Variants in COBL observed in about 807,000 individuals in gnomAD.
COBL encodes protein cordon-bleu.
A neutral mutation model predicts 98.8 loss-of-function variants in COBL; 51 were observed. That is an observed-to-expected ratio of 0.52 (90% CI 0.41 to 0.65). COBL has a LOEUF of 0.65. Among genes scored for constraint, COBL ranks in the 30% least tolerant of loss-of-function variants. COBL has a pLI of 0.00. For missense variants in COBL, 1,617 were observed against 1,617.5 expected (o/e 1.00, Z 0.01); for synonymous variants, 634 against 651.7 (o/e 0.97, Z 0.41).
intron 7 of COBL, among the ~76,000 whole-genome samples, chr7:51,080,566 G>A (rs2128934021): frequency 6.6e-6 from 1 of 152,300 alleles, no homozygotes; most frequent in Admixed American, 6.5e-5. Flanking sequence ...CATACCCTAC[G>A]AAGCAGTGAG....
chr7:51,095,477 A>T (rs1795190599), intron 6 of COBL, among the ~76,000 whole-genome samples: 1 of 152,236 alleles, frequency 6.6e-6, no homozygotes, highest in Non-Finnish European at 1.5e-5. Context: ...CAAAACTACA[A>T]GATATACGGA....
Position 51,018,908 on chromosome 7 carries a change from ATAT to A in COBL, c.3769-1343_3769-1341del, listed in dbSNP as rs1786612220. On this transcript the variant is annotated intron_variant, in intron 12 of 12. Transcript: ENST00000265136. ...CTCCATCTCAAAAAAAAAAAAAAAT[ATAT>A]ATATATATATATATATATATATATA... Among the ~76,000 whole-genome samples, 24 of 30,248 alleles carry A rather than the reference ATAT, an allele frequency of 7.9e-4. 1 individual carries two copies. The highest frequency in any genetic ancestry group is 2.3e-3 in the South Asian group (2 of 854). 19.8% of individuals were successfully genotyped at this position (30,248 alleles called of 152,430 possible). A position where few individuals can be genotyped will look rare whatever the true frequency, so the allele number is the denominator to read the frequency against.
chr7:51,215,956 C>A (rs1423191180), intron 2 of COBL, among the ~76,000 whole-genome samples: 6 of 152,380 alleles, frequency 3.9e-5, no homozygotes, highest in South Asian at 4.1e-4. Context: ...ACTCCCTGCA[C>A]AGGTCTAAGC....
intron 6 of COBL, among the ~76,000 whole-genome samples, chr7:51,098,023 CAAAAAA>C (rs3047141): frequency 1.1e-5 from 1 of 94,364 alleles, no homozygotes; most frequent in Non-Finnish European, 2.1e-5. Context: ...GACTCCATCT[CAAAAAA>C]AAAAAAAAAA....
intron 1 of COBL, among the ~76,000 whole-genome samples, chr7:51,237,370 T>C (rs1795355230): frequency 6.6e-6 from 1 of 152,240 alleles, no homozygotes; most frequent in Non-Finnish European, 1.5e-5. Flanking sequence ...AACACTTTTG[T>C]TTCCTATGTT....
chr7:51,312,675 C>T (rs1803170766), intron 1 of COBL, among the ~76,000 whole-genome samples: 1 of 152,082 alleles, frequency 6.6e-6, no homozygotes, highest in Non-Finnish European at 1.5e-5. Context: ...AAGAAGTCCA[C>T]AGAATCCAGG....
At chr7:51,253,058 A>G (rs954323692) in intron 1 of COBL, among the ~76,000 whole-genome samples, 1 of 152,020 alleles carries the variant, frequency 6.6e-6, no homozygotes, top group Non-Finnish European at 1.5e-5. Context: ...CCCCGTCTCT[A>G]CTAAAAAATA....
intron 6 of COBL, among the ~76,000 whole-genome samples, chr7:51,086,378 AAAAAAAG>A (rs1276134362): frequency 4.6e-5 from 7 of 151,278 alleles, no homozygotes; most frequent in African/African-American, 1.7e-4. Context: ...AAAAAAAAAA[AAAAAAAG>A]AATGAACATG....
rs371105600 is a variant in COBL at position 51,304,750 on chromosome 7, A to T, written c.41+11843T>A. On this transcript the variant is annotated intron_variant, in intron 1 of 12. Transcript: ENST00000265136. ...AATGAAAAATAATTGGAAAAAAAAA[A>T]TAGGAACTGTCCTGTGACAGGCCCT... is the stretch of plus-strand genomic sequence containing the variant. Among the ~76,000 whole-genome samples the T allele has an allele frequency of 7.9e-5, 12 of 152,320 alleles. No individual in the cohort carries two copies. The East Asian group carries it at 2.3e-3, about 29-fold the overall frequency.
Position 51,028,744 on chromosome 7 carries a change from T to C in COBL, c.2352A>G (p.Ser784=). Residue 784 remains serine (S), a synonymous_variant, in exon 10 of 13, where the codon TCA becomes TCG. Transcript: ENST00000265136. ...NSVEKHLGRP[S]ESSARGPPST... is the part of the protein sequence containing the mutation. ...AGGGGGGTCCCCTGGCAGAGCTCTC[T>C]GAGGGTCGGCCCAGGTGTTTTTCCA... The C allele has an allele frequency of 6.2e-7, 1 of 1,614,198 alleles. No homozygotes were observed. The highest frequency in any genetic ancestry group is 1.1e-5 in the South Asian group (1 of 91,088).
At position 51,103,955 on chromosome 7, in the gene COBL, G is replaced by C. The variant is rs572234336; in HGVS notation, c.958-18651C>G. Reference sequence around the variant, plus strand: ...CAGGCCTTGGCGGCCACTTTGCAGCGCCTGCCTAACTTTGTCACCAAAGTT... The same window carrying C: ...CAGGCCTTGGCGGCCACTTTGCAGCCCCTGCCTAACTTTGTCACCAAAGTT... On this transcript the variant is annotated intron_variant, in intron 6 of 12. Coordinates refer to ENST00000265136, the MANE Select transcript of COBL (RefSeq NM_015198.5). Among the ~76,000 whole-genome samples the C allele has an allele frequency of 1.1e-4, 16 of 152,324 alleles. No individual in the cohort carries two copies. The South Asian group carries it at 3.1e-3, about 30-fold the overall frequency.
intron 1 of COBL, among the ~76,000 whole-genome samples, chr7:51,261,975 A>C (rs1156254789): frequency 6.6e-6 from 1 of 152,206 alleles, no homozygotes; most frequent in Non-Finnish European, 1.5e-5. Context: ...CAGCCTGAGG[A>C]ACGCTAAGCT....
chr7:51,123,020 G>A (rs1797886719), intron 6 of COBL, among the ~76,000 whole-genome samples: 3 of 151,620 alleles, frequency 2.0e-5, no homozygotes, highest in African/African-American at 7.3e-5. Context: ...AATTATTTTT[G>A]TAAAATGTAG....
intron 6 of COBL, among the ~76,000 whole-genome samples, chr7:51,118,282 G>A (rs1797454022): frequency 6.6e-6 from 1 of 152,032 alleles, no homozygotes; most frequent in African/African-American, 2.4e-5. Flanking sequence ...CAGCGGTTGG[G>A]AGTCCAAGCA....
At chr7:51,063,433 C>T (rs1280100464) in intron 7 of COBL, among the ~76,000 whole-genome samples, 1 of 152,228 alleles carries the variant, frequency 6.6e-6, no homozygotes, top group African/African-American at 2.4e-5. Context: ...CTGTGCCCGG[C>T]CTAACATTTT....
chr7:51,270,747 T>C (rs973167563), intron 1 of COBL, among the ~76,000 whole-genome samples: 4 of 152,084 alleles, frequency 2.6e-5, no homozygotes, highest in Admixed American at 2.6e-4. Context: ...CCCAAAGGTC[T>C]TTTTTTCAAA....
At chr7:51,030,754 T>A (rs2128874346) in intron 9 of COBL, 58 bp downstream of exon 9, 1 of 1,077,414 alleles carries the variant, frequency 9.3e-7, no homozygotes, top group East Asian at 2.4e-5. Flanking sequence ...AGGAAGTTAC[T>A]GTTGGCACCT....
chr7:51,052,230 T>C (rs1031995661), intron 7 of COBL, among the ~76,000 whole-genome samples: 2 of 152,222 alleles, frequency 1.3e-5, no homozygotes, highest in African/African-American at 4.8e-5. Context: ...GGGTGTGTGT[T>C]GCAGAAACAC....
chr7:51,165,486 A>AAG (rs1241217643), intron 5 of COBL, among the ~76,000 whole-genome samples: 1 of 152,068 alleles, frequency 6.6e-6, no homozygotes, highest in Non-Finnish European at 1.5e-5. Flanking sequence ...ATTAGAGCTA[A>AAG]AGAGAGAGAT....
Sources: allele counts gnomAD v4.1 joint callset (sites outside exome capture counted in the v4.1 genomes callset), GRCh38; gene constraint gnomAD v4.1.1; transcripts MANE v1.5; gene names NCBI Gene and HGNC (gene_info 2026-07-23, HGNC 2026-07-21).